Variants in SPATA3 observed in about 807,000 individuals in gnomAD.
SPATA3 encodes spermatogenesis associated 3.
SPATA3 carries 6 observed loss-of-function variants against 5.7 expected under a neutral mutation model. The observed-to-expected ratio is 1.06, with a 90% CI of 0.58 to 2.09. The LOEUF (loss-of-function observed/expected upper bound fraction) is 2.09. SPATA3 is among the 30% of genes most tolerant of loss of function. The pLI is 0.00. For synonymous variants in SPATA3, 44 were observed against 48.4 expected, an observed-to-expected ratio of 0.91 and a Z score of 0.37; for missense variants, 155 against 130.4, an observed-to-expected ratio of 1.19 and a Z score of -0.92.
downstream of SPATA3, among the ~76,000 whole-genome samples, chr2:231,009,915 A>G (rs1452575516): frequency 6.6e-6 from 1 of 152,282 alleles, no homozygotes; most frequent in African/African-American, 2.4e-5. Flanking sequence ...ATTCAGAGTG[A>G]GTATAAATGT....
chr2:231,005,376 C>CCAT (rs1574665541), downstream of SPATA3, among the ~76,000 whole-genome samples: 3 of 72,548 alleles, frequency 4.1e-5, no homozygotes, highest in Non-Finnish European at 5.8e-5. Flanking sequence ...ATCATCACCA[C>CCAT]CATCACCACC....
At chr2:231,009,566 T>A (rs1335729962), downstream of SPATA3, among the ~76,000 whole-genome samples, 1 of 152,206 alleles carries the variant, frequency 6.6e-6, no homozygotes, top group Non-Finnish European at 1.5e-5. Context: ...ACAGTCACTG[T>A]CACCTGGGCT....
downstream of SPATA3, among the ~76,000 whole-genome samples, chr2:231,008,092 G>A (rs1692688764): frequency 6.6e-6 from 1 of 152,210 alleles, no homozygotes; most frequent in Non-Finnish European, 1.5e-5. Flanking sequence ...GGCCATTGAG[G>A]GCAGCTGAAG....
At chr2:231,016,506 CAA>C (rs749712082) in intron 6 of SPATA3, among the ~76,000 whole-genome samples, 851 of 70,040 alleles carry the variant, frequency 0.012, 15 homozygotes, top group African/African-American at 0.042. Context: ...CCTGTCTCTA[CAA>C]AAAAAAAAAA....
chr2:230,998,202 G>A (rs1290710546), intron 1 of SPATA3, among the ~76,000 whole-genome samples: 3 of 152,210 alleles, frequency 2.0e-5, no homozygotes, highest in East Asian at 1.9e-4. Flanking sequence ...GATTGTGTGG[G>A]CATAAAATAA....
chr2:231,002,676 C>T lies in SPATA3; in HGVS notation c.963-8C>T, dbSNP rs755325846. 1.3e-6 allele frequency: 2 copies of T among 1,493,730 alleles called. No homozygotes were observed. Among genetic ancestry groups the T allele is most frequent in the Non-Finnish European group, 1.8e-6 (2 of 1,116,918 alleles). 92.5% of individuals were successfully genotyped at this position (1,493,730 alleles called of 1,614,324 possible). A position where few individuals can be genotyped will look rare whatever the true frequency, so the allele number is the denominator to read the frequency against. On this transcript the variant is annotated splice_region_variant and splice_polypyrimidine_tract_variant and intron_variant, in intron 2 of 2. Transcript: ENST00000645363. ...TCCCACCACCCCCACTTCTGCTTTG[C>T]TCTACAGAAAATCTTCAAGAAAACC...
chr2:231,000,510 G>A, exon 2 of SPATA3: 1 of 1,545,534 alleles, frequency 6.5e-7, no homozygotes. Flanking sequence ...CCAGGGAGAG[G>A]ACTCCCCAAC....
chr2:231,016,914 C>T (rs909349417), intron 6 of SPATA3, among the ~76,000 whole-genome samples: 3 of 152,196 alleles, frequency 2.0e-5, no homozygotes, highest in African/African-American at 7.2e-5. Context: ...ATCAAGACAT[C>T]ACTCAGTTAA....
intron 6 of SPATA3, among the ~76,000 whole-genome samples, chr2:231,015,672 C>A (rs2125125350): frequency 6.6e-6 from 1 of 152,338 alleles, no homozygotes; most frequent in East Asian, 1.9e-4. Context: ...CCCAGACCCT[C>A]TGGGCCCCTA....
At chr2:231,005,436 C>T (rs1320502760), downstream of SPATA3, among the ~76,000 whole-genome samples, 9 of 33,048 alleles carry the variant, frequency 2.7e-4, no homozygotes, top group East Asian at 1.3e-3. Flanking sequence ...ACCACCACCA[C>T]AATCACCACC....
downstream of SPATA3, among the ~76,000 whole-genome samples, chr2:231,009,349 A>T (rs994768755): frequency 2.0e-5 from 3 of 152,176 alleles, no homozygotes; most frequent in African/African-American, 7.2e-5. Flanking sequence ...CAAGCGGCAG[A>T]CTTGCAGCAG....
At chr2:231,018,397 C>G (rs1291396483) in intron 6 of SPATA3, among the ~76,000 whole-genome samples, 2 of 152,074 alleles carry the variant, frequency 1.3e-5, no homozygotes, top group Non-Finnish European at 2.9e-5. Flanking sequence ...CCTCTCCTTC[C>G]CATAACCTAT....
At chr2:231,002,746 G>C in exon 3 of SPATA3, 2 of 1,531,636 alleles carry the variant, frequency 1.3e-6, no homozygotes, top group African/African-American at 1.4e-5. Context: ...CGGAACTGTG[G>C]CTGTGGCTCT....
chr2:231,011,403 C>T (rs1692784709), downstream of SPATA3, among the ~76,000 whole-genome samples: 1 of 152,158 alleles, frequency 6.6e-6, no homozygotes, highest in Non-Finnish European at 1.5e-5. Flanking sequence ...GCACCCGGTC[C>T]AGTTGGTTAT....
At chr2:231,004,470 T>C (rs1461499007), downstream of SPATA3, among the ~76,000 whole-genome samples, 1 of 152,168 alleles carries the variant, frequency 6.6e-6, no homozygotes. Context: ...ACACGTTTCT[T>C]AATTTCTCTG....
At chr2:231,004,088 T>C (rs1266851912), downstream of SPATA3, 1 of 152,160 alleles carries the variant, frequency 6.6e-6, no homozygotes, top group Non-Finnish European at 1.5e-5. Context: ...GGAGAAGATG[T>C]TCAGAATATC....
intron 1 of SPATA3, among the ~76,000 whole-genome samples, chr2:230,998,171 G>C (rs1692200309): frequency 6.6e-6 from 1 of 152,142 alleles, no homozygotes; most frequent in Non-Finnish European, 1.5e-5. Context: ...CACACTCCCT[G>C]GGCCACAGTT....
downstream of SPATA3, among the ~76,000 whole-genome samples, chr2:231,010,615 C>A (rs1692756013): frequency 6.6e-6 from 1 of 152,112 alleles, no homozygotes; most frequent in African/African-American, 2.4e-5. Context: ...GTATGGCTAG[C>A]CTTGGGGGAG....
intron 6 of SPATA3, among the ~76,000 whole-genome samples, chr2:231,016,309 T>C (rs1692934364): frequency 6.6e-6 from 1 of 151,966 alleles, no homozygotes; most frequent in African/African-American, 2.4e-5. Context: ...GAGGAGCAGA[T>C]CTCCACTGCG....
Sources: allele counts gnomAD v4.1 joint callset (sites outside exome capture counted in the v4.1 genomes callset), GRCh38; gene constraint gnomAD v4.1.1; transcripts MANE v1.5; gene names NCBI Gene and HGNC (gene_info 2026-07-23, HGNC 2026-07-21).